The following CHST9 variants were observed in gnomAD, a reference collection of about 807,000 sequenced individuals.
The protein encoded by CHST9 is GalNAc-4-sulfotransferase 2.
Under a neutral mutation model 44.4 loss-of-function variants are expected in CHST9, and 41 were observed. The ratio of observed to expected loss-of-function variants is 0.92; its 90% CI spans 0.72 to 1.20. The LOEUF is 1.20. Among genes scored for constraint, CHST9 ranks in the 50% most tolerant of loss-of-function variants. The probability of loss-of-function intolerance (pLI) is 0.00; values close to 1 mark genes in which losing one functional copy is unlikely to be tolerated. For missense variants in CHST9, 504 were observed against 516.5 expected (o/e 0.98, Z 0.23); for synonymous variants, 171 against 178.4 (o/e 0.96, Z 0.33).
chr18:27,092,800 G>GT (rs2058082108), intron 2 of CHST9, among the ~76,000 whole-genome samples: 1 of 152,176 alleles, frequency 6.6e-6, no homozygotes, highest in South Asian at 2.1e-4. Flanking sequence ...TTGCACTGTG[G>GT]TCTGAGAGAC....
At chr18:26,924,256 C>T (rs1307915969) in intron 5 of CHST9, among the ~76,000 whole-genome samples, 3 of 152,094 alleles carry the variant, frequency 2.0e-5, no homozygotes, top group African/African-American at 7.2e-5. Flanking sequence ...TAGGAAACTG[C>T]TCAGATTCGA....
chr18:27,103,151 C>T (rs1185399203), intron 2 of CHST9, among the ~76,000 whole-genome samples: 1 of 152,164 alleles, frequency 6.6e-6, no homozygotes, highest in South Asian at 2.1e-4. Flanking sequence ...CCTTCTCTAA[C>T]CTTTTCCTTT....
At chr18:27,175,700 T>C (rs2058862959) in intron 1 of CHST9, among the ~76,000 whole-genome samples, 1 of 152,070 alleles carries the variant, frequency 6.6e-6, no homozygotes, top group Admixed American at 6.6e-5. Context: ...ACTTTGTACA[T>C]GTGGAGTTAG....
chr18:26,924,659 G>A, intron 5 of CHST9: 5 of 695,380 alleles, frequency 7.2e-6, no homozygotes, highest in Non-Finnish European at 8.9e-6. Context: ...GATGGGAGAG[G>A]GTGGGGTGCT....
intron 4 of CHST9, among the ~76,000 whole-genome samples, chr18:26,975,654 T>TAC (rs1230282544): frequency 7.0e-6 from 1 of 143,180 alleles, no homozygotes; most frequent in South Asian, 2.2e-4. Flanking sequence ...TGTGTGTATA[T>TAC]ATATATATAT....
chr18:27,049,054 G>A (rs2057536055), intron 2 of CHST9, among the ~76,000 whole-genome samples: 1 of 152,056 alleles, frequency 6.6e-6, no homozygotes, highest in Non-Finnish European at 1.5e-5. Flanking sequence ...CTGACTCTTG[G>A]CAAAGGAAAC....
chr18:27,119,530 G>C (rs763192547), intron 2 of CHST9, among the ~76,000 whole-genome samples: 2 of 152,042 alleles, frequency 1.3e-5, no homozygotes, highest in Non-Finnish European at 1.5e-5. Flanking sequence ...TATTTCTCTA[G>C]CCTGATTACT....
intron 4 of CHST9, among the ~76,000 whole-genome samples, chr18:26,982,649 C>T (rs1282195385): frequency 1.3e-5 from 2 of 152,080 alleles, no homozygotes; most frequent in Non-Finnish European, 2.9e-5. Flanking sequence ...AGGGGTTATA[C>T]AGTAAAGGTT....
At chr18:26,960,762 C>G (rs535062470) in intron 4 of CHST9, among the ~76,000 whole-genome samples, 2 of 152,270 alleles carry the variant, frequency 1.3e-5, no homozygotes, top group South Asian at 4.2e-4. Context: ...ACTCTGACTC[C>G]TGGGCTTCAG....
intron 5 of CHST9, among the ~76,000 whole-genome samples, chr18:26,932,429 T>G (rs2055894842): frequency 6.6e-6 from 1 of 152,196 alleles, no homozygotes; most frequent in Admixed American, 6.5e-5. Flanking sequence ...ATATCTTCAC[T>G]CCATCAATGT....
At chr18:27,137,775 G>A (rs563459179) in intron 2 of CHST9, among the ~76,000 whole-genome samples, 4 of 152,140 alleles carry the variant, frequency 2.6e-5, no homozygotes, top group South Asian at 2.1e-4. Flanking sequence ...GCTGTCTTAC[G>A]GCACATACGA....
intron 1 of CHST9, among the ~76,000 whole-genome samples, chr18:27,145,173 CGTTT>C (rs760869111): frequency 1.3e-3 from 190 of 151,686 alleles, no homozygotes; most frequent in African/African-American, 2.8e-3. Context: ...ACTTCTTTTC[CGTTT>C]GTTTGTTTGT....
chr18:26,963,772 G>A (rs774103819), intron 4 of CHST9, among the ~76,000 whole-genome samples: 2 of 152,062 alleles, frequency 1.3e-5, no homozygotes, highest in Non-Finnish European at 2.9e-5. Flanking sequence ...CTTAGCATCC[G>A]TAAACCTTGA....
At chr18:26,937,763 T>G (rs745712778) in intron 5 of CHST9, among the ~76,000 whole-genome samples, 6 of 152,204 alleles carry the variant, frequency 3.9e-5, no homozygotes, top group Non-Finnish European at 7.4e-5. Flanking sequence ...TAATTTAATG[T>G]AAAATTTAGC....
At position 26,917,091 on chromosome 18, in the gene CHST9, T is replaced by G. The variant is rs1433166764; in HGVS notation, c.500A>C (p.Lys167Thr). ...PLNKSLVKDN[K>T]WKKTEETQEK... ...TTGGGTCTCCTCAGTTTTCTTCCAT[T>G]TATTATCTTTGACTAAACTTTTGTT... Residue 167 changes from lysine (K) to threonine (T), a missense_variant, in exon 6 of 6, where the codon AAA (lysine) becomes ACA (threonine). By Grantham distance (78) the Lys-to-Thr change is moderately conservative. Transcript: ENST00000618847. The G allele has an allele frequency of 1.9e-6, 3 of 1,613,860 alleles. No individual in the cohort carries two copies. Among genetic ancestry groups the G allele is most frequent in the African/African-American group, 2.7e-5 (2 of 74,896 alleles).
intron 3 of CHST9, among the ~76,000 whole-genome samples, chr18:27,045,814 G>A (rs567982306): frequency 6.6e-6 from 1 of 152,014 alleles, no homozygotes; most frequent in Admixed American, 6.6e-5. Flanking sequence ...TCAATAGCCC[G>A]GACTGCAATC....
chr18:26,934,128 C>T (rs868503641), intron 5 of CHST9, among the ~76,000 whole-genome samples: 6 of 152,094 alleles, frequency 3.9e-5, no homozygotes, highest in Non-Finnish European at 8.8e-5. Context: ...CGGGACCACA[C>T]CGTATAGGAA....
intron 2 of CHST9, among the ~76,000 whole-genome samples, chr18:27,091,276 A>T (rs1173379009): frequency 2.6e-5 from 4 of 152,022 alleles, no homozygotes; most frequent in Non-Finnish European, 5.9e-5. Flanking sequence ...GAATGCTTGT[A>T]ATTTTTGCAC....
chr18:27,063,746 C>A (rs1447332072), intron 2 of CHST9, among the ~76,000 whole-genome samples: 1 of 152,088 alleles, frequency 6.6e-6, no homozygotes, highest in Non-Finnish European at 1.5e-5. Flanking sequence ...CTCCTCAATT[C>A]ACTATTTGCT....
Sources: gnomAD v4.1 joint callset for allele counts (sites outside exome capture counted in the v4.1 genomes callset) on GRCh38, gnomAD v4.1.1 for gene constraint, MANE v1.5 for transcripts, NCBI Gene and HGNC (gene_info 2026-07-23, HGNC 2026-07-21) for gene names.